Variants in ADAM12 observed in about 807,000 individuals in gnomAD.
ADAM12 encodes the protein ADAM metallopeptidase domain 12.
Under a neutral mutation model 106.4 loss-of-function variants are expected in ADAM12, and 70 were observed. The ratio of observed to expected loss-of-function variants is 0.66; its 90% CI spans 0.54 to 0.80. ADAM12 has a LOEUF of 0.80. ADAM12 is among the 30% of genes least tolerant of loss of function. The pLI is 0.00. For missense variants in ADAM12, 1,010 were observed against 1,171.9 expected, an observed-to-expected ratio of 0.86 and a Z score of 2.02; for synonymous variants, 420 against 433.5, an observed-to-expected ratio of 0.97 and a Z score of 0.39.
intron 1 of ADAM12, among the ~76,000 whole-genome samples, chr10:126,338,313 C>T (rs1407263892): frequency 7.9e-6 from 1 of 126,338 alleles, no homozygotes; most frequent in African/African-American, 3.1e-5. Context: ...AGTGCAGTGG[C>T]GGGATCTCGG....
intron 1 of ADAM12, among the ~76,000 whole-genome samples, chr10:126,361,425 G>A (rs1322546207): frequency 2.0e-5 from 3 of 151,888 alleles, no homozygotes; most frequent in African/African-American, 4.8e-5. Flanking sequence ...TATAGAAATA[G>A]AAAAAACAAT....
intron 1 of ADAM12, among the ~76,000 whole-genome samples, chr10:126,339,852 T>C (rs906360796): frequency 1.9e-4 from 27 of 139,396 alleles, no homozygotes; most frequent in Admixed American, 2.9e-4. Flanking sequence ...TAGGGCTTTT[T>C]TTTTTTTTTT....
At chr10:126,305,476 CTGAT>C (rs1960805267) in intron 2 of ADAM12, among the ~76,000 whole-genome samples, 1 of 151,988 alleles carries the variant, frequency 6.6e-6, no homozygotes, top group South Asian at 2.1e-4. Flanking sequence ...ATAAGAAAGA[CTGAT>C]TGAAAAGGAA....
intron 3 of ADAM12, among the ~76,000 whole-genome samples, chr10:126,262,374 G>A (rs577142930): frequency 6.6e-6 from 1 of 152,182 alleles, no homozygotes; most frequent in South Asian, 2.1e-4. Context: ...GCCAAGTTTT[G>A]TCTTTGGCAA....
At chr10:126,131,907 T>C (rs1175705315) in intron 5 of ADAM12, among the ~76,000 whole-genome samples, 1 of 152,072 alleles carries the variant, frequency 6.6e-6, no homozygotes, top group Non-Finnish European at 1.5e-5. Flanking sequence ...TATCCAGCCA[T>C]GCCTAGATTT....
chr10:126,088,983 G>C (rs1955411227), intron 11 of ADAM12, among the ~76,000 whole-genome samples: 1 of 152,138 alleles, frequency 6.6e-6, no homozygotes, highest in South Asian at 2.1e-4. Context: ...CAGGAGAGCA[G>C]GGGGTAACCC....
At chr10:126,386,890 C>G (rs1020475643) in intron 1 of ADAM12, among the ~76,000 whole-genome samples, 2 of 152,364 alleles carry the variant, frequency 1.3e-5, no homozygotes, top group Non-Finnish European at 2.9e-5. Context: ...AGGATTCTTT[C>G]TTGACTTTCT....
At chr10:126,204,767 G>A (rs1221533523) in intron 3 of ADAM12, among the ~76,000 whole-genome samples, 1 of 152,172 alleles carries the variant, frequency 6.6e-6, no homozygotes, top group Non-Finnish European at 1.5e-5. Context: ...CTATTTACGG[G>A]CTTATCTTAC....
In ADAM12 at chr10:126,255,412, C is replaced by T. The variant is rs533872320; in HGVS notation, c.260+23503G>A. On this transcript the variant is annotated intron_variant, in intron 3 of 22. Transcript: ENST00000448723. ...TCTCGTTCGCATTCAGTCCCAGCTT[C>T]CTCCCCACGGCTCCACCTCACACAC... Among the ~76,000 whole-genome samples, 482 of 152,198 alleles carry T rather than the reference C, an allele frequency of 3.2e-3. 3 individuals are homozygous for T. The highest frequency in any genetic ancestry group is 0.011 in the African/African-American group (456 of 41,538).
intron 3 of ADAM12, among the ~76,000 whole-genome samples, chr10:126,246,754 T>C (rs1270929421): frequency 1.3e-5 from 2 of 152,188 alleles, no homozygotes; most frequent in Non-Finnish European, 2.9e-5. Flanking sequence ...AAGAGCCATC[T>C]ATGACAAACC....
chr10:126,257,377 C>A (rs1171362822), intron 3 of ADAM12, among the ~76,000 whole-genome samples: 1 of 152,200 alleles, frequency 6.6e-6, no homozygotes, highest in Non-Finnish European at 1.5e-5. Flanking sequence ...ATGGCCTCTT[C>A]GCTGCTGAGA....
In ADAM12 at chr10:126,015,659, T is replaced by G. The variant is rs1390847243; in HGVS notation, c.*1620A>C. The G allele has an allele frequency of 6.6e-6, 1 of 152,210 alleles. No individual in the cohort carries two copies. Among genetic ancestry groups the G allele is most frequent in the Admixed American group, 6.5e-5 (1 of 15,282 alleles). The allele number at this position is 152,210 out of a possible 1,614,324, so 9.4% of individuals were successfully genotyped here. A position where few individuals can be genotyped will look rare whatever the true frequency, so the allele number is the denominator to read the frequency against. On this transcript the variant is annotated 3_prime_UTR_variant, in exon 23 of 23. Coordinates refer to ENST00000448723, the MANE Select transcript of ADAM12 (RefSeq NM_001288973.2). The stretch of plus-strand genomic sequence containing the variant: ...ACACCGGGAAAGTGAAATGCAGTTT[T>G]GTTTTCTGGAAGGCAAACCAAGATT...
At position 126,046,046 on chromosome 10, in the gene ADAM12, C is replaced by CCTA. The variant is rs751722656; in HGVS notation, c.1995+6_1995+8dup. ...GGCTGGCTGTAAAAGGGCAGCTCAG[C>CCTA]CTACTCACCCCTCTGCCGTGGCACT... On this transcript the variant is annotated intron_variant, in intron 17 of 22. Transcript: ENST00000448723. 105 of 1,613,236 alleles carry CCTA rather than the reference C, an allele frequency of 6.5e-5. No individual in the cohort carries two copies. The East Asian group carries it at 1.6e-3, about 25-fold the overall frequency.
intron 2 of ADAM12, among the ~76,000 whole-genome samples, chr10:126,299,299 G>T (rs529999781): frequency 3.3e-5 from 5 of 152,316 alleles, no homozygotes; most frequent in Admixed American, 1.3e-4. Context: ...AGTCACTAGG[G>T]ATTTAGCCCA....
At chr10:126,154,601 G>A (rs939762586) in intron 4 of ADAM12, among the ~76,000 whole-genome samples, 2 of 152,156 alleles carry the variant, frequency 1.3e-5, no homozygotes, top group African/African-American at 2.4e-5. Flanking sequence ...AGAGGGCAGT[G>A]ACTCTGTCCT....
At chr10:126,334,613 T>A (rs1854630688) in intron 1 of ADAM12, among the ~76,000 whole-genome samples, 1 of 152,134 alleles carries the variant, frequency 6.6e-6, no homozygotes, top group Non-Finnish European at 1.5e-5. Context: ...TTTAAGGTTA[T>A]GGGAAAGCAG....
chr10:126,015,858 G>C lies in ADAM12; in HGVS notation c.*1421C>G, dbSNP rs1953651998. ...CATTTTACCTTATCTGAGTATTTTTGTATTTCTCATGCCATTAGTCACTTT... is the reference window on the plus strand; with the variant it reads ...CATTTTACCTTATCTGAGTATTTTTCTATTTCTCATGCCATTAGTCACTTT... On this transcript the variant is annotated 3_prime_UTR_variant, in exon 23 of 23. Coordinates refer to ENST00000448723, the MANE Select transcript of ADAM12 (RefSeq NM_001288973.2). The C allele has an allele frequency of 6.6e-6, 1 of 152,156 alleles. No homozygotes were observed. Among genetic ancestry groups the C allele is most frequent in the Non-Finnish European group, 1.5e-5 (1 of 68,020 alleles). 9.4% of individuals were successfully genotyped at this position (152,156 alleles called of 1,614,324 possible).
In ADAM12 at chr10:126,064,831, C is replaced by T. The variant is rs1054330798; in HGVS notation, c.1584G>A (p.Gln528=). 5 of 1,609,588 alleles carry T rather than the reference C, an allele frequency of 3.1e-6. No homozygotes were observed. Among genetic ancestry groups the T allele is most frequent in the African/African-American group, 2.7e-5 (2 of 74,824 alleles). Residue 528 remains glutamine, a synonymous_variant, in exon 14 of 23, where the codon CAG becomes CAA. Transcript: ENST00000448723. The surrounding 1 kb of genome is among the most constrained non-coding windows in gnomAD (Gnocchi z 4.4). The part of the protein sequence containing the change: ...CYNGICQTHE[Q]QCVTLWGPGA... ...CTGGTCCCCAGAGCGTGACACACTG[C>T]TGCTCGTGAGTCTGGCAGATGCCAT...
At chr10:126,103,687 C>A (rs1955710647) in intron 8 of ADAM12, among the ~76,000 whole-genome samples, 1 of 152,098 alleles carries the variant, frequency 6.6e-6, no homozygotes, top group African/African-American at 2.4e-5. Context: ...TGACCCCAGG[C>A]CCGGAGAGAA....
Sources: gnomAD v4.1 joint callset for allele counts (sites outside exome capture counted in the v4.1 genomes callset) on GRCh38, gnomAD v4.1.1 for gene constraint, Gnocchi (gnomAD v3.1) non-coding constraint, MANE v1.5 for transcripts, NCBI Gene and HGNC (gene_info 2026-07-23, HGNC 2026-07-21) for gene names.